Variants in VPS13A observed in about 807,000 individuals in gnomAD.
VPS13A encodes the protein vacuolar protein sorting 13 homolog A.
VPS13A carries 264 observed loss-of-function variants against 390.9 expected under a neutral mutation model. That is an observed-to-expected ratio of 0.68 (90% CI 0.61 to 0.75). The LOEUF is 0.75. VPS13A is among the 30% of genes least tolerant of loss of function. The pLI is 0.00. For missense variants in VPS13A, 3,409 were observed against 3,733.9 expected, an observed-to-expected ratio of 0.91 and a Z score of 2.27; for synonymous variants, 1,231 against 1,227.1, an observed-to-expected ratio of 1.00 and a Z score of -0.07.
intron 1 of VPS13A, among the ~76,000 whole-genome samples, chr9:77,186,486 G>A (rs1824344049): frequency 6.6e-6 from 1 of 151,930 alleles, no homozygotes; most frequent in Admixed American, 6.6e-5. Context: ...TGCCCAGCCT[G>A]GAGTGCAGTG....
intron 71 of VPS13A, among the ~76,000 whole-genome samples, chr9:77,412,659 A>G (rs1834993686): frequency 6.6e-6 from 1 of 152,154 alleles, no homozygotes; most frequent in Non-Finnish European, 1.5e-5. Context: ...ATGGGCAAAA[A>G]CTGGAAGCAT....
chr9:77,207,213 TTATATATATATATATATATATATA>T (rs61703004), intron 5 of VPS13A, among the ~76,000 whole-genome samples: 3 of 43,096 alleles, frequency 7.0e-5, no homozygotes, highest in East Asian at 1.1e-3. Context: ...TATTTAGATA[TTATATATATATATATATATATATA>T]TATATATATA....
chr9:77,370,144 G>A, intron 63 of VPS13A, 113 bp from the exon 64 acceptor site: 2 of 1,169,360 alleles, frequency 1.7e-6, no homozygotes, highest in Non-Finnish European at 2.5e-6. Flanking sequence ...TACTTCCTCT[G>A]GGACAACATT....
chr9:77,321,893 CTG>C (rs1587578363), intron 44 of VPS13A, 147 bp downstream of exon 44: 1 of 952,482 alleles, frequency 1.0e-6, no homozygotes, highest in Non-Finnish European at 1.5e-6. Flanking sequence ...AGGTCAAGAA[CTG>C]TTTTTTGTCT....
Position 77,417,180 on chromosome 9 carries a change from A to G in VPS13A, c.*1174A>G, listed in dbSNP as rs1835195115. Reference sequence around the variant, plus strand: ...ATGATTGTGAACTGTGAAGAGAATGATGCAGGATCCTATTTAGTTACTGAA... The same window carrying G: ...ATGATTGTGAACTGTGAAGAGAATGGTGCAGGATCCTATTTAGTTACTGAA... On this transcript the variant is annotated 3_prime_UTR_variant, in exon 72 of 72. Coordinates refer to ENST00000360280, the MANE Select transcript of VPS13A (RefSeq NM_033305.3). 1 of 152,242 alleles carries G rather than the reference A, an allele frequency of 6.6e-6. No individual in the cohort carries two copies. The highest frequency in any genetic ancestry group is 2.1e-4 in the South Asian group (1 of 4,836). The allele number at this position is 152,242 out of a possible 1,614,324, so 9.4% of individuals were successfully genotyped here.
intron 23 of VPS13A, among the ~76,000 whole-genome samples, chr9:77,271,626 A>G (rs534389000): frequency 6.6e-6 from 1 of 152,264 alleles, no homozygotes; most frequent in East Asian, 1.9e-4. Context: ...CTACTCAGGA[A>G]AAAAAATACT....
intron 45 of VPS13A, among the ~76,000 whole-genome samples, chr9:77,329,340 T>A (rs1244679215): frequency 6.6e-6 from 1 of 152,232 alleles, no homozygotes; most frequent in Non-Finnish European, 1.5e-5. Context: ...AGGCCTACCT[T>A]TTAGCCTATC....
intron 22 of VPS13A, among the ~76,000 whole-genome samples, chr9:77,254,984 C>G (rs1265682448): frequency 6.6e-6 from 1 of 151,970 alleles, no homozygotes; most frequent in African/African-American, 2.4e-5. Context: ...CCTTTTATTT[C>G]TCTTTCTTGC....
chr9:77,230,206 C>G (rs1823748808), intron 17 of VPS13A, among the ~76,000 whole-genome samples: 1 of 151,988 alleles, frequency 6.6e-6, no homozygotes, highest in Non-Finnish European at 1.5e-5. Flanking sequence ...GTTATTTTCT[C>G]TCACTGTGTT....
At chr9:77,379,173 A>G (rs1833288554) in intron 67 of VPS13A, among the ~76,000 whole-genome samples, 2 of 149,228 alleles carry the variant, frequency 1.3e-5, no homozygotes, top group Non-Finnish European at 3.0e-5. Flanking sequence ...CCCAGGTTCA[A>G]GAGATTCCCC....
At chr9:77,193,668 T>A (rs1177840541) in intron 1 of VPS13A, among the ~76,000 whole-genome samples, 2 of 152,126 alleles carry the variant, frequency 1.3e-5, no homozygotes, top group Non-Finnish European at 2.9e-5. Context: ...GAACCATTGC[T>A]GGGGAGCTAC....
At chr9:77,220,746 A>T (rs1354298303) in intron 12 of VPS13A, among the ~76,000 whole-genome samples, 1 of 152,068 alleles carries the variant, frequency 6.6e-6, no homozygotes, top group African/African-American at 2.4e-5. Context: ...CAATATTATT[A>T]AACCTGTATT....
At chr9:77,240,706 G>T (rs1056316370) in intron 19 of VPS13A, among the ~76,000 whole-genome samples, 1 of 151,308 alleles carries the variant, frequency 6.6e-6, no homozygotes, top group Admixed American at 6.6e-5. Context: ...TCGAACTTCT[G>T]TCCTCAGGTG....
intron 23 of VPS13A, among the ~76,000 whole-genome samples, chr9:77,267,964 T>C (rs1179331108): frequency 6.6e-6 from 1 of 152,204 alleles, no homozygotes; most frequent in Non-Finnish European, 1.5e-5. Flanking sequence ...TTGTTTACAC[T>C]GTGAGGGAAA....
chr9:77,339,858 A>G lies in VPS13A; in HGVS notation c.6721A>G (p.Lys2241Glu). The change falls in exon 48 of 72, where the codon AAA becomes GAA. Residue 2241 changes from lysine (K) to glutamate (E), a missense_variant. Coordinates refer to ENST00000360280, the MANE Select transcript of VPS13A (RefSeq NM_033305.3). ...GIHRKHPPNY[K>E]KPVLFSFQPN... ...TCATCGAAAGCATCCACCTAATTAT[A>G]AAAAGCCAGTTCTCTTTTCTTTTCA... The G allele has an allele frequency of 4.3e-6, 7 of 1,613,694 alleles. No homozygotes were observed. The highest frequency in any genetic ancestry group is 5.9e-6 in the Non-Finnish European group (7 of 1,179,948).
rs1823704389 is a variant in VPS13A at position 77,177,553 on chromosome 9, C to T, written c.-152C>T. 1.4e-6 allele frequency: 1 copy of T among 692,690 alleles called. No individual in the cohort carries two copies. The highest frequency in any genetic ancestry group is 2.8e-5 in the East Asian group (1 of 35,222). 42.9% of individuals were successfully genotyped at this position (692,690 alleles called of 1,614,324 possible). On this transcript the variant is annotated 5_prime_UTR_variant, in exon 1 of 72. Transcript: ENST00000360280. The stretch of plus-strand genomic sequence containing the variant: ...GCGACCGCCTCCGTCTCTCGCTGGG[C>T]TCGCTAGGGCTGCGCGTTGGGCCAG...
At chr9:77,383,197 T>C (rs910939857) in intron 68 of VPS13A, among the ~76,000 whole-genome samples, 4 of 152,048 alleles carry the variant, frequency 2.6e-5, no homozygotes, top group African/African-American at 9.7e-5. Flanking sequence ...CTTCTAACTC[T>C]TTCTCTGAGG....
intron 3 of VPS13A, among the ~76,000 whole-genome samples, chr9:77,202,515 T>C (rs1043862558): frequency 6.6e-6 from 1 of 152,164 alleles, no homozygotes; most frequent in Non-Finnish European, 1.5e-5. Flanking sequence ...ATCCAGTGAA[T>C]GCATATTTGG....
rs748410246 is a variant in VPS13A, at chr9:77,318,605, T to C, written c.5313+14T>C. 6.3e-7 allele frequency: 1 copy of C among 1,584,836 alleles called. No individual in the cohort carries two copies. Among genetic ancestry groups the C allele is most frequent in the Non-Finnish European group, 8.7e-7 (1 of 1,153,610 alleles). Reference sequence around the variant, plus strand: ...CTTGAGCTAGAAGTAAGCATATTTTTCCAGTTTTATAACAGATAATGATAC... The same window carrying C: ...CTTGAGCTAGAAGTAAGCATATTTTCCCAGTTTTATAACAGATAATGATAC... On this transcript the variant is annotated intron_variant, in intron 41 of 71. Coordinates refer to ENST00000360280, the MANE Select transcript of VPS13A (RefSeq NM_033305.3).
Sources: gnomAD v4.1 joint callset for allele counts (sites outside exome capture counted in the v4.1 genomes callset) on GRCh38, gnomAD v4.1.1 for gene constraint, MANE v1.5 for transcripts, NCBI Gene and HGNC (gene_info 2026-07-23, HGNC 2026-07-21) for gene names.